Variants in OAS2 observed in about 807,000 individuals in gnomAD.
OAS2 encodes 2'-5'-oligoadenylate synthetase 2.
A neutral mutation model predicts 71.3 loss-of-function variants in OAS2; 67 were observed. The ratio of observed to expected loss-of-function variants is 0.94; its 90% confidence interval spans 0.77 to 1.15. The LOEUF (loss-of-function observed/expected upper bound fraction) is 1.15, where lower values mean the gene tolerates loss of function less well. OAS2 is among the 50% of genes most tolerant of loss of function. The pLI is 0.00. For synonymous variants in OAS2, 327 were observed against 321.8 expected, an observed-to-expected ratio of 1.02 and a Z score of -0.17; for missense variants, 789 against 822.5, an observed-to-expected ratio of 0.96 and a Z score of 0.50.
intron 1 of OAS2, among the ~76,000 whole-genome samples, chr12:112,981,780 T>C (rs924027950): frequency 3.3e-5 from 5 of 152,304 alleles, no homozygotes; most frequent in African/African-American, 9.6e-5. Context: ...AAGGATTGCA[T>C]TGATTCTGTA....
At chr12:112,986,896 C>A in intron 1 of OAS2, 142 bp from the exon 2 acceptor site, 1 of 1,124,746 alleles carries the variant, frequency 8.9e-7, no homozygotes, top group Non-Finnish European at 1.3e-6. Context: ...CCAATCAGGT[C>A]TTTGTGGGGC....
At chr12:112,983,678 T>C (rs548247653) in intron 1 of OAS2, among the ~76,000 whole-genome samples, 2 of 152,334 alleles carry the variant, frequency 1.3e-5, no homozygotes, top group Admixed American at 6.5e-5. Flanking sequence ...TTCCAGAAAT[T>C]TTTTGATTTC....
chr12:112,991,616 T>C (rs1158596900), intron 2 of OAS2, among the ~76,000 whole-genome samples: 3 of 152,220 alleles, frequency 2.0e-5, no homozygotes, highest in Non-Finnish European at 4.4e-5. Flanking sequence ...ATGGTTGCAT[T>C]CCTCTGAGTT....
In OAS2 at chr12:113,005,220, T is replaced by G; in HGVS notation, c.1466T>G (p.Leu489Arg). 6.2e-7 allele frequency: 1 copy of G among 1,610,972 alleles called. No individual in the cohort carries two copies. Among genetic ancestry groups the G allele is most frequent in the Non-Finnish European group, 8.5e-7 (1 of 1,177,846 alleles). Reference sequence around the variant, plus strand: ...GATGTGCTTCCTGCCTTTAATGCACTGGGTAAGGCTCCCCAGACCTTAGCT... The same window carrying G: ...GATGTGCTTCCTGCCTTTAATGCACGGGGTAAGGCTCCCCAGACCTTAGCT... ...SFDVLPAFNA[L>R]GQLSSGSTPS... The change falls in exon 7 of 10, where the codon CTG becomes CGG. Residue 489 changes from leucine (L) to arginine (R), a missense_variant and splice_region_variant. Leu to Arg is a moderately radical substitution (Grantham distance 102, BLOSUM62 -2). Coordinates refer to ENST00000392583, the MANE Select transcript of OAS2 (RefSeq NM_002535.3).
chr12:113,003,204 T>C, intron 6 of OAS2, 102 bp downstream of exon 6: 3 of 1,266,186 alleles, frequency 2.4e-6, no homozygotes, highest in Non-Finnish European at 3.3e-6. Context: ...TCCATCTACC[T>C]TCAGAAACTT....
rs1592822390 is a variant in OAS2, at chr12:113,010,815, T to A, written c.*1560T>A. 5.7e-6 allele frequency: 1 copy of A among 176,756 alleles called. No homozygotes were observed. The highest frequency in any genetic ancestry group is 1.2e-5 in the Non-Finnish European group (1 of 83,998). The allele number at this position is 176,756 out of a possible 1,614,324, so 10.9% of individuals were successfully genotyped here. ...TCTGTGTCTTCAAAGCAAAGCTCTT[T>A]ACTTTCCCCTTGGTTCTCATAACTC... On this transcript the variant is annotated 3_prime_UTR_variant, in exon 10 of 10. Coordinates refer to ENST00000392583, the MANE Select transcript of OAS2 (RefSeq NM_002535.3).
chr12:113,005,918 CAAAAA>C (rs138299398), intron 7 of OAS2, among the ~76,000 whole-genome samples: 23 of 49,046 alleles, frequency 4.7e-4, no homozygotes, highest in African/African-American at 1.6e-3. Flanking sequence ...ACAACAACAA[CAAAAA>C]AAAAAAAAAA....
intron 1 of OAS2, among the ~76,000 whole-genome samples, chr12:112,986,166 A>G (rs35936495): frequency 0.25 from 38,638 of 151,964 alleles, 5,126 homozygotes; most frequent in East Asian, 0.41. Context: ...AGTCTGTGGA[A>G]AGGCTGTGCT....
chr12:113,002,922 C>T lies in OAS2; in HGVS notation c.1009-10C>T, dbSNP rs745573049. On this transcript the variant is annotated splice_polypyrimidine_tract_variant and intron_variant, in intron 5 of 9. Transcript: ENST00000392583. The stretch of plus-strand genomic sequence containing the variant: ...GCCACTCACACTTGGGGTCTTCCTT[C>T]CTTCCCCAGCCTGCACCACTCTTCA... 8.1e-6 allele frequency: 13 copies of T among 1,613,248 alleles called. No individual in the cohort carries two copies. The highest frequency in any genetic ancestry group is 2.5e-6 in the Non-Finnish European group (3 of 1,179,554).
chr12:112,985,215 T>C (rs1323363505), intron 1 of OAS2, among the ~76,000 whole-genome samples: 1 of 147,946 alleles, frequency 6.8e-6, no homozygotes, highest in Non-Finnish European at 1.5e-5. Flanking sequence ...TGGGACGTTT[T>C]CAGCTATTAC....
At position 113,003,038 on chromosome 12, in the gene OAS2, T is replaced by A. The variant is rs751303051; in HGVS notation, c.1115T>A (p.Ile372Asn). Residue 372 changes from isoleucine to asparagine, a missense_variant, in exon 6 of 10, where the codon ATC becomes AAC. Physicochemically the swap from Ile to Asn is moderately radical, Grantham distance 149. Coordinates refer to ENST00000392583, the MANE Select transcript of OAS2 (RefSeq NM_002535.3). ...FLEQIDSAVN[I>N]IRTFLKENCF... ...GAGCAGATTGACAGTGCTGTTAACA[T>A]CATCCGTACATTCCTTAAAGAAAAC... 4 of 1,614,190 alleles carry A rather than the reference T, an allele frequency of 2.5e-6. No individual in the cohort carries two copies. The highest frequency in any genetic ancestry group is 1.1e-5 in the South Asian group (1 of 91,080).
rs55897589 is a variant in OAS2 at position 113,007,665 on chromosome 12, T to A, written c.1657-40T>A. On this transcript the variant is annotated intron_variant, in intron 8 of 9. Transcript: ENST00000392583. ...CCCTGTGCGGCTCTCACTGAGCTCCTAGGCTAACCAGTTCGTCTGATGTTC... is the reference window on the plus strand; with the variant it reads ...CCCTGTGCGGCTCTCACTGAGCTCCAAGGCTAACCAGTTCGTCTGATGTTC... The A allele has an allele frequency of 1.8e-4, 289 of 1,566,250 alleles. 1 individual carries two copies. The East Asian group carries it at 6.1e-3, about 33-fold the overall frequency.
At chr12:112,979,495 C>T (rs747969846) in intron 1 of OAS2, among the ~76,000 whole-genome samples, 20 of 152,236 alleles carry the variant, frequency 1.3e-4, no homozygotes, top group Non-Finnish European at 2.8e-4. Flanking sequence ...GTCCCCAGCC[C>T]TGGCCCAGGC....
chr12:112,987,938 AAAGTAACCTC>A (rs1234073398), intron 2 of OAS2: 9 of 985,374 alleles, frequency 9.1e-6, no homozygotes, highest in Non-Finnish European at 1.1e-5. Context: ...GCATATTGTT[AAAGTAACCTC>A]TGCTTACCAG....
chr12:113,005,918 C>CAAAAAAAAAAAAAAAAAAAAAAAAAA (rs138299398), intron 7 of OAS2, among the ~76,000 whole-genome samples: 1 of 49,044 alleles, frequency 2.0e-5, no homozygotes, highest in Non-Finnish European at 3.5e-5. Context: ...ACAACAACAA[C>CAAAAAAAAAAAAAAAAAAAAAAAAAA]AAAAAAAAAA....
chr12:113,002,715 G>A (rs2044299918), intron 5 of OAS2, among the ~76,000 whole-genome samples: 1 of 152,192 alleles, frequency 6.6e-6, no homozygotes, highest in African/African-American at 2.4e-5. Flanking sequence ...AACTAGGACA[G>A]TTTTTGTGTC....
At position 113,007,916 on chromosome 12, in the gene OAS2, T is replaced by G. The variant is rs1328376940; in HGVS notation, c.1868T>G (p.Phe623Cys). 2 of 1,613,980 alleles carry G rather than the reference T, an allele frequency of 1.2e-6. No homozygotes were observed. The highest frequency in any genetic ancestry group is 8.5e-7 in the Non-Finnish European group (1 of 1,179,956). The change falls in exon 9 of 10, where the codon TTT becomes TGT. Residue 623 changes from phenylalanine to cysteine, a missense_variant. Phe to Cys is a radical substitution (Grantham distance 205, BLOSUM62 -2). Transcript: ENST00000392583. ...YNFEDETVRK[F>C]LLSQLQKTRP... The stretch of plus-strand genomic sequence containing the variant: ...TTTGAAGATGAGACCGTGAGGAAGT[T>G]TCTACTGAGCCAGTTGCAGAAAACC...
chr12:113,002,389 A>G (rs1277661822), intron 5 of OAS2, among the ~76,000 whole-genome samples: 2 of 152,202 alleles, frequency 1.3e-5, no homozygotes, highest in African/African-American at 4.8e-5. Context: ...CTGGGAGAGA[A>G]TAAACTTCTG....
In OAS2 at chr12:112,987,477, T is replaced by A. The variant is rs1293766; in HGVS notation, c.448+169T>A. 2.8e-6 allele frequency: 4 copies of A among 1,445,556 alleles called. No individual in the cohort carries two copies. The South Asian group carries it at 6.2e-5, about 22-fold the overall frequency. The allele number at this position is 1,445,556 out of a possible 1,614,324, so 89.5% of individuals were successfully genotyped here. On this transcript the variant is annotated intron_variant, in intron 2 of 9. Coordinates refer to ENST00000392583, the MANE Select transcript of OAS2 (RefSeq NM_002535.3). Reference sequence around the variant, plus strand: ...CTTCTACCCTGGACTCGCTCTCTTCTCTGGAACTAACTTCTCCCCCATACC... The same window carrying A: ...CTTCTACCCTGGACTCGCTCTCTTCACTGGAACTAACTTCTCCCCCATACC...
Sources: allele counts gnomAD v4.1 joint callset (sites outside exome capture counted in the v4.1 genomes callset), GRCh38; gene constraint gnomAD v4.1.1; transcripts MANE v1.5; gene names NCBI Gene and HGNC (gene_info 2026-07-23, HGNC 2026-07-21).